The following GNAQ variants were observed in gnomAD, a reference collection of about 807,000 sequenced individuals.
GNAQ encodes guanine nucleotide-binding protein G(q) subunit alpha.
In GNAQ, 8 loss-of-function variants were observed where a neutral mutation model predicts 43.9. That is an observed-to-expected ratio of 0.18 (90% CI 0.11 to 0.33). GNAQ has a LOEUF of 0.33. GNAQ is among the 10% of genes least tolerant of loss of function. The pLI is 1.00. For synonymous variants in GNAQ, 155 were observed against 170.7 expected (o/e 0.91, Z 0.71); for missense variants, 158 against 450.8 (o/e 0.35, Z 5.88).
At chr9:77,783,156 A>G (rs535864517) in intron 5 of GNAQ, among the ~76,000 whole-genome samples, 1 of 152,348 alleles carries the variant, frequency 6.6e-6, no homozygotes, top group Non-Finnish European at 1.5e-5. Flanking sequence ...TGATGTATAT[A>G]TGTAGTTTCA....
chr9:77,878,155 T>C (rs1001629899), intron 2 of GNAQ, among the ~76,000 whole-genome samples: 4 of 152,052 alleles, frequency 2.6e-5, no homozygotes, highest in South Asian at 2.1e-4. Context: ...CTAACTTGAC[T>C]GCCAGTTCCC....
chr9:77,962,892 C>CAAAAAAAAAAAAAAAAAAAAAAAAAAA (rs538653191), intron 1 of GNAQ, among the ~76,000 whole-genome samples: 1 of 55,240 alleles, frequency 1.8e-5, no homozygotes, highest in African/African-American at 7.0e-5. Flanking sequence ...AACTTAGTCT[C>CAAAAAAAAAAAAAAAAAAAAAAAAAAA]AAAAAAAAAA....
intron 6 of GNAQ, among the ~76,000 whole-genome samples, chr9:77,728,196 T>C (rs1476680873): frequency 6.6e-6 from 1 of 152,166 alleles, no homozygotes. Flanking sequence ...GGTTTCACCA[T>C]GTTGACCAGG....
chr9:77,972,446 T>A (rs1823247927), intron 1 of GNAQ, among the ~76,000 whole-genome samples: 1 of 152,038 alleles, frequency 6.6e-6, no homozygotes, highest in African/African-American at 2.4e-5. Context: ...CAAATGCAAG[T>A]AACATCGGTT....
intron 1 of GNAQ, among the ~76,000 whole-genome samples, chr9:77,958,677 T>C (rs1823071530): frequency 6.6e-6 from 1 of 152,226 alleles, no homozygotes; most frequent in African/African-American, 2.4e-5. Context: ...AGGTCCTCTA[T>C]GGTCAGCCAC....
intron 3 of GNAQ, among the ~76,000 whole-genome samples, chr9:77,813,273 G>A (rs893369240): frequency 6.6e-6 from 1 of 152,158 alleles, no homozygotes; most frequent in African/African-American, 2.4e-5. Flanking sequence ...GGGAAATGTA[G>A]AACTATTTAA....
intron 5 of GNAQ, among the ~76,000 whole-genome samples, chr9:77,730,849 G>A (rs546674668): frequency 3.3e-5 from 5 of 152,220 alleles, no homozygotes; most frequent in Non-Finnish European, 5.9e-5. Flanking sequence ...TAGGCTGAAT[G>A]TTTCAGGACT....
intron 5 of GNAQ, among the ~76,000 whole-genome samples, chr9:77,787,952 C>T (rs1011306526): frequency 8.5e-5 from 13 of 152,270 alleles, no homozygotes; most frequent in African/African-American, 2.9e-4. Context: ...GTCGCTCGAA[C>T]CCGGGAGGCA....
intron 5 of GNAQ, among the ~76,000 whole-genome samples, chr9:77,737,731 G>A (rs749798748): frequency 2.6e-5 from 4 of 152,198 alleles, no homozygotes; most frequent in Non-Finnish European, 5.9e-5. Context: ...CAGACCTATA[G>A]TAAGTGGCTA....
At chr9:77,734,410 T>G (rs1337177513) in intron 5 of GNAQ, among the ~76,000 whole-genome samples, 2 of 152,186 alleles carry the variant, frequency 1.3e-5, no homozygotes, top group Non-Finnish European at 2.9e-5. Flanking sequence ...TTGAATTACA[T>G]TTCCCATAAA....
chr9:77,798,515 T>C (rs989057962), intron 3 of GNAQ, among the ~76,000 whole-genome samples: 1 of 152,212 alleles, frequency 6.6e-6, no homozygotes, highest in African/African-American at 2.4e-5. Flanking sequence ...TCCGTTGTTA[T>C]ATACTCATAT....
intron 5 of GNAQ, among the ~76,000 whole-genome samples, chr9:77,757,785 CA>C (rs895748891): frequency 3.3e-5 from 5 of 152,278 alleles, no homozygotes; most frequent in African/African-American, 1.2e-4. Flanking sequence ...ACAAACCTCC[CA>C]TTGGTATATC....
intron 5 of GNAQ, among the ~76,000 whole-genome samples, chr9:77,752,861 C>T (rs146684209): frequency 6.6e-6 from 1 of 152,076 alleles, no homozygotes; most frequent in Non-Finnish European, 1.5e-5. Context: ...CCAAGGCAGG[C>T]AGATCATGAA....
At chr9:77,937,713 T>C (rs773772930) in intron 1 of GNAQ, among the ~76,000 whole-genome samples, 12 of 151,872 alleles carry the variant, frequency 7.9e-5, no homozygotes, top group Non-Finnish European at 1.3e-4. Flanking sequence ...ACCAACATGG[T>C]GAAACCCTGT....
chr9:77,878,096 T>C (rs918852900), intron 2 of GNAQ, among the ~76,000 whole-genome samples: 1 of 152,192 alleles, frequency 6.6e-6, no homozygotes, highest in Non-Finnish European at 1.5e-5. Context: ...TTTAGTTGCA[T>C]TATGTTCAAC....
At chr9:77,893,619 C>T (rs1044108956) in intron 2 of GNAQ, among the ~76,000 whole-genome samples, 6 of 152,186 alleles carry the variant, frequency 3.9e-5, no homozygotes, top group African/African-American at 1.4e-4. Flanking sequence ...TCTATGGACT[C>T]ACTCTGAATT....
intron 1 of GNAQ, among the ~76,000 whole-genome samples, chr9:78,001,628 C>T (rs1339948458): frequency 6.6e-6 from 1 of 151,118 alleles, no homozygotes; most frequent in African/African-American, 2.4e-5. Context: ...GTTGAAACAC[C>T]GATTTCCTCT....
intron 5 of GNAQ, among the ~76,000 whole-genome samples, chr9:77,740,386 A>C (rs1332530472): frequency 1.3e-5 from 2 of 152,232 alleles, no homozygotes; most frequent in Non-Finnish European, 2.9e-5. Flanking sequence ...GACTGTAAGC[A>C]TATGGTGAGC....
intron 1 of GNAQ, among the ~76,000 whole-genome samples, chr9:77,978,287 C>A (rs1202506231): frequency 6.6e-6 from 1 of 152,164 alleles, no homozygotes; most frequent in Non-Finnish European, 1.5e-5. Context: ...TACTTCACCT[C>A]TATTTTGTCT....
Sources: gnomAD v4.1 joint callset for allele counts (sites outside exome capture counted in the v4.1 genomes callset) on GRCh38, gnomAD v4.1.1 for gene constraint, MANE v1.5 for transcripts, NCBI Gene and HGNC (gene_info 2026-07-23, HGNC 2026-07-21) for gene names.